Variants in FAM117B observed in about 807,000 individuals in gnomAD.
FAM117B encodes family with sequence similarity 117 member B.
Under a neutral mutation model 52.8 loss-of-function variants are expected in FAM117B, and 22 were observed. The observed-to-expected ratio is 0.42, with a 90% CI of 0.30 to 0.59. The LOEUF is 0.59. FAM117B is among the 20% of genes least tolerant of loss of function. The pLI, the probability that FAM117B is intolerant of heterozygous loss-of-function variation, is 0.22. For missense variants in FAM117B, 678 were observed against 802.6 expected (o/e 0.84, Z 1.88); for synonymous variants, 309 against 324.1 (o/e 0.95, Z 0.50).
rs973165408 is a variant in FAM117B at position 202,635,142 on chromosome 2, C to T, written c.-46C>T. ...GAATCCTCCCCCTGCAGCCCAACAA[C>T]AACAAAACCCCCCGTCTCGCCCAGT... On this transcript the variant is annotated 5_prime_UTR_variant, in exon 1 of 8. Transcript: ENST00000392238. The T allele has an allele frequency of 1.4e-5, 17 of 1,253,488 alleles. No individual in the cohort carries two copies. In the Middle Eastern group the frequency reaches 1.2e-3, roughly 89 times the overall value. The allele number at this position is 1,253,488 out of a possible 1,614,324, so 77.6% of individuals were successfully genotyped here. A position where few individuals can be genotyped will look rare whatever the true frequency, so the allele number is the denominator to read the frequency against.
intron 1 of FAM117B, among the ~76,000 whole-genome samples, chr2:202,667,553 A>G (rs769979779): frequency 7.9e-5 from 12 of 152,224 alleles, no homozygotes; most frequent in East Asian, 1.9e-4. Context: ...CTTGAATCCA[A>G]TTATTACAAT....
intron 1 of FAM117B, among the ~76,000 whole-genome samples, chr2:202,655,707 TGAGAGAGA>T (rs60423652): frequency 0.097 from 9,621 of 98,804 alleles, 624 homozygotes; most frequent in South Asian, 0.16. Context: ...GGGAAGAGAG[TGAGAGAGA>T]GAGAGAGAGA....
intron 2 of FAM117B, among the ~76,000 whole-genome samples, chr2:202,698,568 G>A (rs936770165): frequency 2.6e-5 from 4 of 151,968 alleles, no homozygotes; most frequent in South Asian, 2.1e-4. Context: ...GACTACAAGC[G>A]CACGCCACCA....
intron 1 of FAM117B, among the ~76,000 whole-genome samples, chr2:202,670,587 A>G (rs1304753361): frequency 6.6e-6 from 1 of 152,138 alleles, no homozygotes; most frequent in African/African-American, 2.4e-5. Flanking sequence ...GCCAAGGAGC[A>G]TACTTTCTAG....
Position 202,694,188 on chromosome 2 carries a change from C to CTT in FAM117B, c.602-1673_602-1672dup, listed in dbSNP as rs757843381. 5.4e-3 allele frequency among the ~76,000 whole-genome samples: 539 copies of CTT among 99,018 alleles called. 14 individuals carry two copies. Among genetic ancestry groups the CTT allele is most frequent in the Middle Eastern group, 7.6e-3 (1 of 132 alleles). 65.0% of individuals were successfully genotyped at this position (99,018 alleles called of 152,430 possible). On this transcript the variant is annotated intron_variant, in intron 1 of 7. Transcript: ENST00000392238. ...GAAGATGTTATTGCAAAACCCACTT[C>CTT]TTTTTTTTTTTTTTTTTTTTTGAGA...
intron 4 of FAM117B, among the ~76,000 whole-genome samples, chr2:202,743,002 A>G (rs1201871904): frequency 1.3e-5 from 2 of 152,158 alleles, no homozygotes; most frequent in African/African-American, 4.8e-5. Flanking sequence ...TGCACTGCCA[A>G]CACCACACAC....
intron 1 of FAM117B, among the ~76,000 whole-genome samples, chr2:202,668,155 TA>T (rs369886381): frequency 0.081 from 11,704 of 144,700 alleles, 1,571 homozygotes; most frequent in African/African-American, 0.28. Context: ...TATAAATATA[TA>T]ATTATATAAT....
chr2:202,701,885 GA>G (rs1398201339), intron 2 of FAM117B, among the ~76,000 whole-genome samples: 1 of 152,192 alleles, frequency 6.6e-6, no homozygotes, highest in Non-Finnish European at 1.5e-5. Flanking sequence ...AAGATGTGGT[GA>G]ATATTGTTGA....
rs565125316 is a variant in FAM117B at position 202,673,859 on chromosome 2, C to T, written c.602-22022C>T. ...TTGTGCCTCAGAATATCCAGTGTGA[C>T]TTTTGCCTGATGACTTTATTGAAAT... On this transcript the variant is annotated intron_variant, in intron 1 of 7. Transcript: ENST00000392238. 5.3e-5 allele frequency among the ~76,000 whole-genome samples: 8 copies of T among 152,288 alleles called. No homozygotes were observed. In the South Asian group the frequency reaches 1.7e-3, roughly 32 times the overall value.
At chr2:202,745,690 C>T (rs528798808) in intron 4 of FAM117B, among the ~76,000 whole-genome samples, 1 of 152,260 alleles carries the variant, frequency 6.6e-6, no homozygotes, top group African/African-American at 2.4e-5. Flanking sequence ...CATTAGTATG[C>T]TGCCTGCAAG....
chr2:202,639,702 G>T (rs746234241), intron 1 of FAM117B, among the ~76,000 whole-genome samples: 1 of 152,096 alleles, frequency 6.6e-6, no homozygotes, highest in Non-Finnish European at 1.5e-5. Context: ...TGAAATGGGT[G>T]GTGAAATCTA....
intron 1 of FAM117B, among the ~76,000 whole-genome samples, chr2:202,694,865 C>A (rs1478621550): frequency 6.6e-6 from 1 of 152,058 alleles, no homozygotes; most frequent in Non-Finnish European, 1.5e-5. Context: ...CACTAAGTGC[C>A]AGTATTACTT....
chr2:202,637,628 C>T (rs1043130989), intron 1 of FAM117B, among the ~76,000 whole-genome samples: 3 of 152,168 alleles, frequency 2.0e-5, no homozygotes, highest in Admixed American at 6.5e-5. Context: ...GCTTCATAAC[C>T]TCTGTCACCT....
chr2:202,691,501 TAA>T (rs35033554), intron 1 of FAM117B, among the ~76,000 whole-genome samples: 15 of 150,176 alleles, frequency 1.0e-4, no homozygotes, highest in Middle Eastern at 3.4e-3. Flanking sequence ...GATTTTTAAT[TAA>T]AAAAAAAAAT....
intron 2 of FAM117B, among the ~76,000 whole-genome samples, chr2:202,703,813 A>G (rs1224810923): frequency 1.3e-5 from 2 of 152,200 alleles, no homozygotes; most frequent in African/African-American, 2.4e-5. Context: ...CCCTGCTTTC[A>G]GTTCCTTTCG....
chr2:202,664,669 AGTTC>A (rs1225673634), intron 1 of FAM117B, among the ~76,000 whole-genome samples: 1 of 152,212 alleles, frequency 6.6e-6, no homozygotes, highest in Admixed American at 6.6e-5. Context: ...AAATTTTGAT[AGTTC>A]GTTATCATGC....
chr2:202,673,229 G>T (rs1690324371), intron 1 of FAM117B, among the ~76,000 whole-genome samples: 1 of 152,048 alleles, frequency 6.6e-6, no homozygotes, highest in Admixed American at 6.6e-5. Flanking sequence ...ACTACAACGG[G>T]AGTCCAGAAG....
intron 1 of FAM117B, among the ~76,000 whole-genome samples, chr2:202,636,187 A>C (rs972307649): frequency 6.6e-6 from 1 of 152,230 alleles, no homozygotes; most frequent in Non-Finnish European, 1.5e-5. Flanking sequence ...GGACAAGGTT[A>C]ATGTTGGCAT....
At position 202,640,283 on chromosome 2, in the gene FAM117B, C is replaced by T. The variant is rs912663701; in HGVS notation, c.601+4495C>T. ...CAAAACTCCGTCACAACAACCACCA[C>T]CACCACCACAAAATATATATATATA... On this transcript the variant is annotated intron_variant, in intron 1 of 7. Coordinates refer to ENST00000392238, the MANE Select transcript of FAM117B (RefSeq NM_173511.4). 1.8e-4 allele frequency among the ~76,000 whole-genome samples: 20 copies of T among 111,200 alleles called. 1 individual carries two copies. The highest frequency in any genetic ancestry group is 7.0e-4 in the African/African-American group (20 of 28,754). The allele number at this position is 111,200 out of a possible 152,430, so 73.0% of individuals were successfully genotyped here.
Sources: gnomAD v4.1 joint callset for allele counts (sites outside exome capture counted in the v4.1 genomes callset) on GRCh38, gnomAD v4.1.1 for gene constraint, MANE v1.5 for transcripts, NCBI Gene and HGNC (gene_info 2026-07-23, HGNC 2026-07-21) for gene names.